Variants in NDUFA11 observed in about 807,000 individuals in gnomAD.
The protein encoded by NDUFA11 is NADH:ubiquinone oxidoreductase subunit A11, also known as NADH dehydrogenase [ubiquinone] 1 alpha subcomplex subunit 11.
A neutral mutation model predicts 11.3 loss-of-function variants in NDUFA11; 14 were observed. The observed-to-expected ratio is 1.24, with a 90% confidence interval of 0.82 to 1.94. The LOEUF is 1.94. Among genes scored for constraint, NDUFA11 ranks in the 30% most tolerant of loss-of-function variants. NDUFA11 has a pLI of 0.00. For missense variants in NDUFA11, 204 were observed against 200.3 expected, an observed-to-expected ratio of 1.02 and a Z score of -0.11; for synonymous variants, 87 against 85.6, an observed-to-expected ratio of 1.02 and a Z score of -0.09.
At chr19:5,894,633 C>A, downstream of NDUFA11, 1 of 1,543,064 alleles carries the variant, frequency 6.5e-7, no homozygotes. Context: ...CCGCCCTCAC[C>A]GGCTGCTGTG....
intron 1 of NDUFA11, among the ~76,000 whole-genome samples, chr19:5,901,906 C>T (rs1219246985): frequency 1.3e-5 from 2 of 151,922 alleles, no homozygotes; most frequent in Non-Finnish European, 1.5e-5. Flanking sequence ...CTCCTGACCT[C>T]GTGATCCACC....
At chr19:5,900,519 A>G (rs1453980622) in intron 1 of NDUFA11, among the ~76,000 whole-genome samples, 1 of 152,206 alleles carries the variant, frequency 6.6e-6, no homozygotes, top group Non-Finnish European at 1.5e-5. Flanking sequence ...CCCTCAGATG[A>G]GAAGTGAGGG....
intron 1 of NDUFA11, 99 bp downstream of exon 1, chr19:5,903,513 G>T: frequency 8.5e-7 from 1 of 1,173,116 alleles, no homozygotes; most frequent in Non-Finnish European, 1.2e-6. Context: ...GTGCGTACCC[G>T]CGAGACTCCC....
intron 1 of NDUFA11, among the ~76,000 whole-genome samples, chr19:5,898,495 A>G (rs191907645): frequency 6.6e-6 from 1 of 152,298 alleles, no homozygotes; most frequent in African/African-American, 2.4e-5. Context: ...GATGCAGAGA[A>G]AGGGACCACA....
At position 5,896,405 on chromosome 19, in the gene NDUFA11, A is replaced by G. The variant is rs2057608431; in HGVS notation, c.313+48T>C. Reference sequence around the variant, plus strand: ...GGAGGATGAGCAGAGGTCAGGGGTCATTCTGCCAGGCTGGGAGGAGGGTGG... The same window carrying G: ...GGAGGATGAGCAGAGGTCAGGGGTCGTTCTGCCAGGCTGGGAGGAGGGTGG... On this transcript the variant is annotated intron_variant, in intron 3 of 3. Coordinates refer to ENST00000308961, the MANE Select transcript of NDUFA11 (RefSeq NM_175614.5). This position sits in a 1 kb window ranked among gnomAD's most constrained non-coding sequence, Gnocchi z 5.8. 8.4e-7 allele frequency: 1 copy of G among 1,192,610 alleles called. No homozygotes were observed. The highest frequency in any genetic ancestry group is 1.1e-6 in the Non-Finnish European group (1 of 903,952). 73.9% of individuals were successfully genotyped at this position (1,192,610 alleles called of 1,614,324 possible).
At chr19:5,897,064 C>T (rs1212367550) in intron 1 of NDUFA11, 67 bp from the exon 2 acceptor site, 9 of 1,322,598 alleles carry the variant, frequency 6.8e-6, no homozygotes, top group Non-Finnish European at 9.8e-6. Flanking sequence ...GCCGGGCACC[C>T]CACTGGGTGG....
At chr19:5,894,577 G>T, downstream of NDUFA11, 2 of 1,422,708 alleles carry the variant, frequency 1.4e-6, no homozygotes, top group Non-Finnish European at 9.5e-7. Context: ...GCAGGCGCGT[G>T]TGCAGGGGGC....
chr19:5,893,568 TGAGATTACAGGCTC>T (rs2057590075), downstream of NDUFA11, among the ~76,000 whole-genome samples: 1 of 152,022 alleles, frequency 6.6e-6, no homozygotes, highest in African/African-American at 2.4e-5. The surrounding 1 kb of genome is among the most constrained non-coding windows in gnomAD (Gnocchi z 4.1). Flanking sequence ...CCAAAAGTGC[TGAGATTACAGGCTC>T]AAACCACCAG....
chr19:5,896,685 G>T lies in NDUFA11; in HGVS notation c.191-110C>A. 1 of 1,467,948 alleles carries T rather than the reference G, an allele frequency of 6.8e-7. No individual in the cohort carries two copies. Among genetic ancestry groups the T allele is most frequent in the Non-Finnish European group, 9.3e-7 (1 of 1,075,606 alleles). 90.9% of individuals were successfully genotyped at this position (1,467,948 alleles called of 1,614,324 possible). ...GAGAGATGCCACGAGTCGGCTGCTC[G>T]CTGTGCATGGCAGCCTCCTGGCCCC... On this transcript the variant is annotated intron_variant, in intron 2 of 3. Coordinates refer to ENST00000308961, the MANE Select transcript of NDUFA11 (RefSeq NM_175614.5). This position sits in a 1 kb window ranked among gnomAD's most constrained non-coding sequence, Gnocchi z 5.8.
At chr19:5,892,768 G>T, downstream of NDUFA11, 1 of 1,075,804 alleles carries the variant, frequency 9.3e-7, no homozygotes, top group Non-Finnish European at 1.2e-6. Context: ...TCGAGTGGAT[G>T]CGATGCCCGT....
rs372900485 is a variant in NDUFA11, at chr19:5,903,741, C to G, written c.-33G>C. Reference sequence around the variant, plus strand: ...AATCTCGATCCCGCACCACGGACCCCGCCAGCTCGGGAAGCGCAAGGGCAG... The same window carrying G: ...AATCTCGATCCCGCACCACGGACCCGGCCAGCTCGGGAAGCGCAAGGGCAG... On this transcript the variant is annotated 5_prime_UTR_variant, in exon 1 of 4. Transcript: ENST00000308961. The G allele has an allele frequency of 1.0e-5, 16 of 1,548,960 alleles. No individual in the cohort carries two copies. Among genetic ancestry groups the G allele is most frequent in the Non-Finnish European group, 1.2e-5 (14 of 1,144,926 alleles).
At position 5,896,122 on chromosome 19, in the gene NDUFA11, T is replaced by G; in HGVS notation, c.313+331A>C. On this transcript the variant is annotated intron_variant, in intron 3 of 3. Coordinates refer to ENST00000308961, the MANE Select transcript of NDUFA11 (RefSeq NM_175614.5). The surrounding 1 kb of genome is among the most constrained non-coding windows in gnomAD (Gnocchi z 5.8). ...CTTGTACACAGGGTGGTCAGGACAG[T>G]GAGGGGAACAGCATTCCACGCAGTG... is the stretch of plus-strand genomic sequence containing the variant. 3.7e-6 allele frequency: 2 copies of G among 540,984 alleles called. No individual in the cohort carries two copies. The highest frequency in any genetic ancestry group is 5.5e-5 in the South Asian group (2 of 36,094). The allele number at this position is 540,984 out of a possible 1,614,324, so 33.5% of individuals were successfully genotyped here.
At chr19:5,893,042 C>A (rs2057587320), downstream of NDUFA11, 4 of 1,535,776 alleles carry the variant, frequency 2.6e-6, no homozygotes, top group Middle Eastern at 3.3e-4. The surrounding 1 kb of genome is among the most constrained non-coding windows in gnomAD (Gnocchi z 4.1). Flanking sequence ...GAGCCCGAGG[C>A]CCGGGCACCC....
At chr19:5,893,582 C>T (rs2057590149), downstream of NDUFA11, among the ~76,000 whole-genome samples, 1 of 152,074 alleles carries the variant, frequency 6.6e-6, no homozygotes, top group African/African-American at 2.4e-5. This position sits in a 1 kb window ranked among gnomAD's most constrained non-coding sequence, Gnocchi z 4.1. Context: ...ATTACAGGCT[C>T]AAACCACCAG....
chr19:5,892,836 A>T, downstream of NDUFA11: 1 of 1,385,298 alleles, frequency 7.2e-7, no homozygotes, highest in Non-Finnish European at 9.4e-7. Context: ...GGCATCTCTG[A>T]GGGGCCCTTA....
Position 5,903,595 on chromosome 19 carries a change from G to T in NDUFA11, c.97+17C>A. The stretch of plus-strand genomic sequence containing the variant: ...GCGGCCTCGGCCCTCCACCCTCGGG[G>T]CCCGGCCGGCGCTCACCAGCGACGC... On this transcript the variant is annotated intron_variant, in intron 1 of 3. Coordinates refer to ENST00000308961, the MANE Select transcript of NDUFA11 (RefSeq NM_175614.5). 1 of 1,548,412 alleles carries T rather than the reference G, an allele frequency of 6.5e-7. No homozygotes were observed.
At chr19:5,901,937 C>T (rs1378389014) in intron 1 of NDUFA11, among the ~76,000 whole-genome samples, 4 of 150,608 alleles carry the variant, frequency 2.7e-5, no homozygotes, top group African/African-American at 9.8e-5. Context: ...TCCCAAAGTG[C>T]TGGGACTACA....
chr19:5,899,721 C>A (rs1219817885), intron 1 of NDUFA11, among the ~76,000 whole-genome samples: 1 of 152,072 alleles, frequency 6.6e-6, no homozygotes, highest in African/African-American at 2.4e-5. Flanking sequence ...CCCACCTCAG[C>A]CTCCCAAAGT....
At chr19:5,893,104 G>C, downstream of NDUFA11, 1 of 1,536,098 alleles carries the variant, frequency 6.5e-7, no homozygotes, top group South Asian at 1.2e-5. This position sits in a 1 kb window ranked among gnomAD's most constrained non-coding sequence, Gnocchi z 4.1. Flanking sequence ...CCTTGTGCTG[G>C]AACACGCGTG....
Sources: allele counts gnomAD v4.1 joint callset (sites outside exome capture counted in the v4.1 genomes callset), GRCh38; gene constraint gnomAD v4.1.1; non-coding constraint Gnocchi (gnomAD v3.1); transcripts MANE v1.5; gene names NCBI Gene and HGNC (gene_info 2026-07-23, HGNC 2026-07-21).